The following RNF212 variants were observed in gnomAD, a reference collection of about 807,000 sequenced individuals.
RNF212 encodes the protein probable E3 SUMO-protein ligase RNF212.
Under a neutral mutation model 34.7 loss-of-function variants are expected in RNF212, and 33 were observed. That is an observed-to-expected ratio of 0.95 (90% CI 0.72 to 1.27). The LOEUF is 1.27. Ranked by LOEUF, RNF212 falls within the 50% of genes most tolerant of loss-of-function variation. The pLI is 0.00. For synonymous variants in RNF212, 140 were observed against 136.1 expected, an observed-to-expected ratio of 1.03 and a Z score of -0.20; for missense variants, 377 against 362.2, an observed-to-expected ratio of 1.04 and a Z score of -0.33.
intron 4 of RNF212, chr4:1,056,971 G>A: frequency 1.0e-6 from 1 of 987,970 alleles, no homozygotes; most frequent in Non-Finnish European, 1.2e-6. Flanking sequence ...GCGTTAGTGG[G>A]GGTCCCTTGT....
At chr4:1,066,200 T>A (rs527499963) in intron 3 of RNF212, among the ~76,000 whole-genome samples, 1 of 151,610 alleles carries the variant, frequency 6.6e-6, no homozygotes, top group Non-Finnish European at 1.5e-5. Context: ...TGGGACTACA[T>A]GCATGAGCCA....
chr4:1,062,266 T>A (rs1317204619), intron 3 of RNF212, among the ~76,000 whole-genome samples: 1 of 152,038 alleles, frequency 6.6e-6, no homozygotes, highest in Non-Finnish European at 1.5e-5. Flanking sequence ...CAGCAGCGTA[T>A]AAGAAAGATC....
At chr4:1,096,882 A>T in intron 2 of RNF212, 43 bp from the exon 3 acceptor site, 1 of 1,426,108 alleles carries the variant, frequency 7.0e-7, no homozygotes, top group South Asian at 1.1e-5. Context: ...GTGTCTAATA[A>T]ACGCTTCTGG....
At chr4:1,092,719 G>A (rs879747047) in intron 3 of RNF212, among the ~76,000 whole-genome samples, 1 of 152,270 alleles carries the variant, frequency 6.6e-6, no homozygotes, top group Non-Finnish European at 1.5e-5. Context: ...AGGCTGCGCT[G>A]GGCCAGGTCA....
At chr4:1,057,022 C>T (rs1235225496) in intron 4 of RNF212, 1 of 984,590 alleles carries the variant, frequency 1.0e-6, no homozygotes, top group East Asian at 1.1e-4. Context: ...ATTCAAGAAA[C>T]ACAACATCAT....
intron 3 of RNF212, among the ~76,000 whole-genome samples, chr4:1,061,826 A>G (rs1367185987): frequency 6.6e-6 from 1 of 152,248 alleles, no homozygotes; most frequent in Non-Finnish European, 1.5e-5. Context: ...TTGGATAAAA[A>G]TACAAGAATC....
intron 2 of RNF212, among the ~76,000 whole-genome samples, chr4:1,106,420 G>C (rs1430981676): frequency 2.6e-5 from 4 of 152,096 alleles, no homozygotes; most frequent in Admixed American, 2.6e-4. Flanking sequence ...TCTCTCATCA[G>C]AATGCCATAG....
intron 3 of RNF212, among the ~76,000 whole-genome samples, chr4:1,092,737 GC>G (rs1226931837): frequency 6.6e-6 from 1 of 152,254 alleles, no homozygotes; most frequent in African/African-American, 2.4e-5. Flanking sequence ...TCAGCCCAGG[GC>G]CCCAAGGAAG....
intron 3 of RNF212, chr4:1,093,902 T>C: frequency 6.5e-7 from 1 of 1,536,148 alleles, no homozygotes; most frequent in Non-Finnish European, 8.7e-7. Flanking sequence ...CCAGTGTTCT[T>C]GGGGATCTCT....
intron 3 of RNF212, among the ~76,000 whole-genome samples, chr4:1,063,562 G>A (rs1433007109): frequency 1.3e-5 from 2 of 151,994 alleles, no homozygotes; most frequent in East Asian, 3.9e-4. Flanking sequence ...CTAGCCAGGT[G>A]TGGTGGTGCG....
At chr4:1,111,419 GT>G (rs1412663811) in intron 1 of RNF212, among the ~76,000 whole-genome samples, 15 of 152,126 alleles carry the variant, frequency 9.9e-5, no homozygotes, top group African/African-American at 3.6e-4. Context: ...GATACAGGCC[GT>G]GTCCAGACAT....
chr4:1,070,170 C>T (rs1188329775), downstream of RNF212, among the ~76,000 whole-genome samples: 16 of 136,102 alleles, frequency 1.2e-4, no homozygotes, highest in South Asian at 2.6e-4. Context: ...TCAGCGTGGA[C>T]GCCTGGCCTG....
chr4:1,100,273 C>T (rs965208561), intron 2 of RNF212: 1 of 260,420 alleles, frequency 3.8e-6, no homozygotes, highest in African/African-American at 2.2e-5. Flanking sequence ...AAGACCCAGT[C>T]ACAACACCGT....
At chr4:1,071,028 A>T (rs1219167211), downstream of RNF212, among the ~76,000 whole-genome samples, 6 of 151,408 alleles carry the variant, frequency 4.0e-5, no homozygotes, top group South Asian at 2.1e-4. Flanking sequence ...AAATTATTTT[A>T]AAAAACTAAT....
chr4:1,084,234 A>T (rs1341356487), intron 5 of RNF212, among the ~76,000 whole-genome samples: 1 of 152,164 alleles, frequency 6.6e-6, no homozygotes, highest in Admixed American at 6.5e-5. Flanking sequence ...TACAGGCGTG[A>T]GCCACTGCGC....
intron 5 of RNF212, 125 bp downstream of exon 5, chr4:1,085,771 A>T: frequency 1.4e-6 from 1 of 728,336 alleles, no homozygotes; most frequent in East Asian, 2.5e-5. Flanking sequence ...GTTTCTGGTA[A>T]ATGAACGAGC....
At position 1,085,914 on chromosome 4, in the gene RNF212, T is replaced by C. The variant is rs767428048; in HGVS notation, c.344A>G (p.Gln115Arg). 6.2e-7 allele frequency: 1 copy of C among 1,612,604 alleles called. No individual in the cohort carries two copies. The highest frequency in any genetic ancestry group is 8.5e-7 in the Non-Finnish European group (1 of 1,179,198). The change falls in exon 5 of 10, where the codon CAG becomes CGG. Residue 115 changes from glutamine (Q) to arginine (R), a missense_variant. By Grantham distance (43) the Gln-to-Arg change is conservative (BLOSUM62 1). Transcript: ENST00000433731. The part of the protein sequence containing the change: ...LEESLRKSVL[Q>R]IEQLQSMRSS... The stretch of plus-strand genomic sequence containing the variant: ...GCCTTACCTTTGTAGTTGTTCTATC[T>C]GCAGCACTGACTTCCTAAGGGATTC...
chr4:1,058,050 G>A (rs1278533269), intron 4 of RNF212, among the ~76,000 whole-genome samples: 4 of 108,420 alleles, frequency 3.7e-5, no homozygotes, highest in Non-Finnish European at 5.5e-5. Flanking sequence ...AACAAAGAGT[G>A]AGACTCCGGC....
chr4:1,079,788 A>T, intron 7 of RNF212, 100 bp from the exon 8 acceptor site: 1 of 838,688 alleles, frequency 1.2e-6, no homozygotes, highest in African/African-American at 1.7e-5. Flanking sequence ...TAAATGTCTA[A>T]ATCTTCCTCT....
Sources: gnomAD v4.1 joint callset for allele counts (sites outside exome capture counted in the v4.1 genomes callset) on GRCh38, gnomAD v4.1.1 for gene constraint, MANE v1.5 for transcripts, NCBI Gene and HGNC (gene_info 2026-07-23, HGNC 2026-07-21) for gene names.